USP16: variants seen among roughly 807,000 people sequenced by gnomAD.
USP16 encodes the protein ubiquitin specific peptidase 16.
A neutral mutation model predicts 95.9 loss-of-function variants in USP16; 77 were observed. The observed-to-expected ratio is 0.80, with a 90% CI of 0.67 to 0.97. The LOEUF is 0.97. USP16 is among the 50% of genes least tolerant of loss of function. USP16 has a pLI of 0.00. For missense variants in USP16, 943 were observed against 959.9 expected (o/e 0.98, Z 0.23); for synonymous variants, 303 against 318.2 (o/e 0.95, Z 0.51).
chr21:29,037,612 G>C (rs2085180452), intron 6 of USP16, 149 bp downstream of exon 6: 1 of 636,518 alleles, frequency 1.6e-6, no homozygotes, highest in African/African-American at 2.1e-5. Context: ...TTTGAGACAG[G>C]GTCTCACTCT....
chr21:29,041,256 G>A (rs1400027444), intron 10 of USP16, among the ~76,000 whole-genome samples: 1 of 152,142 alleles, frequency 6.6e-6, no homozygotes, highest in Non-Finnish European at 1.5e-5. Context: ...TCAACTCATA[G>A]CAACTCTTTG....
chr21:29,026,878 A>C (rs2146355269), intron 1 of USP16, among the ~76,000 whole-genome samples: 1 of 152,276 alleles, frequency 6.6e-6, no homozygotes, highest in African/African-American at 2.4e-5. Context: ...GTTGAGGTGT[A>C]ATAGAAAGTC....
rs1240835767 is a variant in USP16 at position 29,054,096 on chromosome 21, T to C, written c.2381T>C (p.Phe794Ser). Residue 794 changes from phenylalanine (F) to serine (S), a missense_variant, in exon 18 of 18, where the codon TTT becomes TCT. Physicochemically the swap from Phe to Ser is radical, Grantham distance 155 (BLOSUM62 -2). Coordinates refer to ENST00000399976, the MANE Select transcript of USP16 (RefSeq NM_006447.3). ...DFEMESKGQW[F>S]HISDTHVQAV... is the part of the protein sequence containing the mutation. ...GAAATGGAATCAAAAGGGCAGTGGTTTCACATCAGCGACACACATGTGCAA... is the reference window on the plus strand; with the variant it reads ...GAAATGGAATCAAAAGGGCAGTGGTCTCACATCAGCGACACACATGTGCAA... 6.2e-7 allele frequency: 1 copy of C among 1,614,252 alleles called. No homozygotes were observed. Among genetic ancestry groups the C allele is most frequent in the Non-Finnish European group, 8.5e-7 (1 of 1,180,044 alleles).
chr21:29,053,996 A>T, intron 17 of USP16, 38 bp downstream of exon 17: 1 of 1,613,138 alleles, frequency 6.2e-7, no homozygotes, highest in Non-Finnish European at 8.5e-7. Context: ...TCAGCAGATT[A>T]CGGCAAAACC....
chr21:29,048,048 C>CGTGTGTGTGTGT (rs67919060), intron 14 of USP16, among the ~76,000 whole-genome samples: 85 of 123,794 alleles, frequency 6.9e-4, no homozygotes, highest in African/African-American at 1.9e-3. Flanking sequence ...AGAGACGATA[C>CGTGTGTGTGTGT]GTGTGTGTGT....
intron 14 of USP16, among the ~76,000 whole-genome samples, chr21:29,047,939 T>C (rs1384384086): frequency 6.6e-6 from 1 of 151,312 alleles, no homozygotes; most frequent in Non-Finnish European, 1.5e-5. Context: ...CTTATATGTG[T>C]GTGTATGTAT....
intron 5 of USP16, 65 bp from the exon 6 acceptor site, chr21:29,037,211 A>T: frequency 1.9e-6 from 2 of 1,064,196 alleles, no homozygotes; most frequent in African/African-American, 1.6e-5. Context: ...ACTGTTTCCC[A>T]AGTATACTTC....
At chr21:29,033,983 TCA>T (rs2085114524) in intron 3 of USP16, among the ~76,000 whole-genome samples, 1 of 152,210 alleles carries the variant, frequency 6.6e-6, no homozygotes, top group Admixed American at 6.5e-5. Flanking sequence ...TGAAAAGCGC[TCA>T]GTGTGTTTTT....
chr21:29,053,717 C>G (rs1484649210), intron 16 of USP16, 85 bp from the exon 17 acceptor site: 1 of 1,398,822 alleles, frequency 7.1e-7, no homozygotes, highest in Non-Finnish European at 9.8e-7. Flanking sequence ...GTTAAAGACC[C>G]TTTGCATAGT....
chr21:29,044,649 G>A (rs764103750), intron 13 of USP16, among the ~76,000 whole-genome samples: 3 of 152,010 alleles, frequency 2.0e-5, no homozygotes, highest in Non-Finnish European at 4.4e-5. Flanking sequence ...GTTTCGCCAT[G>A]TTGGTCAGGC....
intron 3 of USP16, among the ~76,000 whole-genome samples, chr21:29,032,819 T>G (rs1312037951): frequency 1.3e-5 from 2 of 151,996 alleles, no homozygotes; most frequent in Non-Finnish European, 2.9e-5. Context: ...AATTTAATGT[T>G]TAGTTTTTTA....
At chr21:29,027,768 T>C in intron 1 of USP16, 105 bp from the exon 2 acceptor site, 2 of 751,866 alleles carry the variant, frequency 2.7e-6, no homozygotes, top group Middle Eastern at 3.1e-4. Context: ...AATTACAATG[T>C]GATAGACATG....
At position 29,048,845 on chromosome 21, in the gene USP16, G is replaced by C. The variant is rs1286515953; in HGVS notation, c.2096G>C (p.Arg699Thr). 1 of 1,612,774 alleles carries C rather than the reference G, an allele frequency of 6.2e-7. No individual in the cohort carries two copies. ...APPVLTLHLK[R>T]FQQAGFNLRK... ...CCTGTTCTTACTCTTCATTTAAAGAGATTTCAGCAGGTACTCCTTGTTACC... is the reference window on the plus strand; with the variant it reads ...CCTGTTCTTACTCTTCATTTAAAGACATTTCAGCAGGTACTCCTTGTTACC... Residue 699 changes from arginine to threonine, a missense_variant, in exon 15 of 18, where the codon AGA (arginine) becomes ACA (threonine). By Grantham distance (71) the Arg-to-Thr change is moderately conservative. Coordinates refer to ENST00000399976, the MANE Select transcript of USP16 (RefSeq NM_006447.3).
intron 6 of USP16, 38 bp from the exon 7 acceptor site, chr21:29,038,297 A>G: frequency 4.1e-6 from 6 of 1,446,564 alleles, no homozygotes; most frequent in Non-Finnish European, 5.8e-6. Context: ...ATTTGCCTTT[A>G]AATAATTTTT....
chr21:29,054,215 C>T lies in USP16; in HGVS notation c.*28C>T. The T allele has an allele frequency of 1.2e-6, 2 of 1,600,548 alleles. No individual in the cohort carries two copies. Among genetic ancestry groups the T allele is most frequent in the South Asian group, 2.2e-5 (2 of 89,344 alleles). On this transcript the variant is annotated 3_prime_UTR_variant, in exon 18 of 18. Transcript: ENST00000399976. ...ATATCAAAAGCACTTTTTCTGGAAA[C>T]ACATTTATGGCTTTTATAATGGCTG...
Position 29,036,356 on chromosome 21 carries a change from A to G in USP16, c.430A>G (p.Ile144Val). The change falls in exon 5 of 18, where the codon ATT becomes GTT. Residue 144 changes from isoleucine to valine, a missense_variant. Ile to Val is a conservative substitution (Grantham distance 29, BLOSUM62 3). Transcript: ENST00000399976. ...VVDYVRKQAS[I>V]TTPKPAEKDN... The stretch of plus-strand genomic sequence containing the variant: ...TGATTATGTCAGAAAACAAGCCAGC[A>G]TTACAACTCCAAAGCCAGGTAAAAT... 1 of 1,613,966 alleles carries G rather than the reference A, an allele frequency of 6.2e-7. No individual in the cohort carries two copies. The highest frequency in any genetic ancestry group is 1.1e-5 in the South Asian group (1 of 91,058).
chr21:29,037,848 A>G (rs2085185078), intron 6 of USP16, among the ~76,000 whole-genome samples: 1 of 150,598 alleles, frequency 6.6e-6, no homozygotes, highest in Non-Finnish European at 1.5e-5. Context: ...GGCCACCCAA[A>G]GTGTTTGGAT....
At chr21:29,044,222 C>T (rs1354650087) in intron 13 of USP16, among the ~76,000 whole-genome samples, 1 of 152,148 alleles carries the variant, frequency 6.6e-6, no homozygotes, top group Non-Finnish European at 1.5e-5. Flanking sequence ...GCATGAGCCA[C>T]CGCGCCCGGC....
chr21:29,036,800 A>G (rs1601052312), intron 5 of USP16, among the ~76,000 whole-genome samples: 1 of 152,260 alleles, frequency 6.6e-6, no homozygotes, highest in Non-Finnish European at 1.5e-5. Context: ...GCTGACATAC[A>G]GCATTTGCTT....
Sources: allele counts gnomAD v4.1 joint callset (sites outside exome capture counted in the v4.1 genomes callset), GRCh38; gene constraint gnomAD v4.1.1; transcripts MANE v1.5; gene names NCBI Gene and HGNC (gene_info 2026-07-23, HGNC 2026-07-21).